Variants in CCDC171 observed in about 807,000 individuals in gnomAD.
CCDC171 encodes coiled-coil domain-containing protein 171.
A neutral mutation model predicts 168.2 loss-of-function variants in CCDC171; 177 were observed. The observed-to-expected ratio is 1.05, with a 90% CI of 0.93 to 1.19. CCDC171 has a LOEUF of 1.19. CCDC171 is among the 50% of genes most tolerant of loss of function. The pLI, the probability that CCDC171 is intolerant of heterozygous loss-of-function variation, is 0.00. For missense variants in CCDC171, 1,991 were observed against 1,539.0 expected (o/e 1.29, Z -4.91); for synonymous variants, 687 against 540.8 (o/e 1.27, Z -3.75).
chr9:15,850,866 G>A (rs1466586975), intron 23 of CCDC171, among the ~76,000 whole-genome samples: 1 of 151,890 alleles, frequency 6.6e-6, no homozygotes, highest in Non-Finnish European at 1.5e-5. Flanking sequence ...TCATGGGATG[G>A]TAAAAATGGA....
At chr9:15,652,779 A>G (rs1369907569) in intron 7 of CCDC171, among the ~76,000 whole-genome samples, 3 of 152,148 alleles carry the variant, frequency 2.0e-5, no homozygotes, top group Non-Finnish European at 4.4e-5. Flanking sequence ...CAATTATGAC[A>G]TATGTCTTCC....
intron 3 of CCDC171, among the ~76,000 whole-genome samples, chr9:16,018,070 T>C (rs940792887): frequency 1.3e-5 from 2 of 152,158 alleles, no homozygotes; most frequent in Non-Finnish European, 1.5e-5. Flanking sequence ...TAAATGTAGT[T>C]TTAAGATTTT....
chr9:15,906,591 C>A (rs919121211), intron 24 of CCDC171, among the ~76,000 whole-genome samples: 1 of 152,152 alleles, frequency 6.6e-6, no homozygotes, highest in African/African-American at 2.4e-5. Context: ...AAACTGGAAG[C>A]ATTCCCTCTG....
At chr9:16,010,452 G>A (rs924919903) in intron 3 of CCDC171, among the ~76,000 whole-genome samples, 1 of 152,068 alleles carries the variant, frequency 6.6e-6, no homozygotes, top group African/African-American at 2.4e-5. Flanking sequence ...AAGGGCCTGT[G>A]GGGGCAGCCA....
intron 25 of CCDC171, among the ~76,000 whole-genome samples, chr9:15,924,304 T>A (rs919104293): frequency 2.6e-5 from 4 of 151,318 alleles, no homozygotes; most frequent in African/African-American, 9.7e-5. Flanking sequence ...TCTGGTTCTG[T>A]CAGTTGCTAA....
intron 21 of CCDC171, among the ~76,000 whole-genome samples, chr9:15,813,512 A>G (rs1563790282): frequency 1.3e-5 from 2 of 152,162 alleles, no homozygotes; most frequent in Non-Finnish European, 2.9e-5. Context: ...TTTGACCACA[A>G]CCAACAGTTT....
intron 7 of CCDC171, among the ~76,000 whole-genome samples, chr9:15,629,753 AAAAATGTT>A (rs1369558989): frequency 1.3e-5 from 2 of 152,234 alleles, no homozygotes; most frequent in Non-Finnish European, 2.9e-5. Flanking sequence ...AAATGAAGGA[AAAAATGTT>A]AAGGGCAGCC....
At chr9:16,086,463 A>T in the CCDC171 span, among the ~76,000 whole-genome samples, 2 of 151,798 alleles carry the variant, frequency 1.3e-5, no homozygotes, top group African/African-American at 4.8e-5. Flanking sequence ...GTGCACCACC[A>T]CACCTGGCTA....
At chr9:15,737,432 C>T (rs980005742) in intron 16 of CCDC171, among the ~76,000 whole-genome samples, 4 of 152,060 alleles carry the variant, frequency 2.6e-5, no homozygotes, top group Non-Finnish European at 4.4e-5. Context: ...CTGGAGCCAA[C>T]CTGGGCCCTG....
intron 25 of CCDC171, 94 bp downstream of exon 25, chr9:15,920,516 A>G (rs1395308787): frequency 3.3e-6 from 3 of 895,524 alleles, no homozygotes; most frequent in African/African-American, 1.7e-5. Flanking sequence ...ATTTGCCAAT[A>G]TATATAATTT....
chr9:15,943,761 A>G (rs995722087), intron 25 of CCDC171, among the ~76,000 whole-genome samples: 7 of 152,048 alleles, frequency 4.6e-5, no homozygotes, highest in Non-Finnish European at 7.4e-5. Flanking sequence ...TGAATACAAA[A>G]AGGCATAATG....
At chr9:15,873,246 G>T (rs919334322) in intron 23 of CCDC171, among the ~76,000 whole-genome samples, 3 of 152,038 alleles carry the variant, frequency 2.0e-5, no homozygotes, top group African/African-American at 7.2e-5. Flanking sequence ...TGAAATGTGT[G>T]TATATCCTAA....
At chr9:15,604,851 A>C (rs1361848340) in intron 6 of CCDC171, among the ~76,000 whole-genome samples, 2 of 152,234 alleles carry the variant, frequency 1.3e-5, no homozygotes, top group Non-Finnish European at 2.9e-5. Context: ...ATGCAAATAC[A>C]CACAGAAATA....
chr9:15,796,755 C>G (rs1271091665), intron 21 of CCDC171, among the ~76,000 whole-genome samples: 2 of 152,054 alleles, frequency 1.3e-5, no homozygotes, highest in East Asian at 3.9e-4. Flanking sequence ...GCTCCCTCCT[C>G]AGCCCTGGGG....
chr9:15,723,709 C>A lies in CCDC171; in HGVS notation c.1454C>A (p.Thr485Lys). ...AAGGCATGTAATGAACTTGATTCTA[C>A]GAAACAGAAGATAGACTCTCACACT... ...EEKACNELDS[T>K]KQKIDSHTKN... Residue 485 changes from threonine (T) to lysine (K), a missense_variant, in exon 13 of 26, where the codon ACG becomes AAG. Thr to Lys is a moderately conservative substitution (Grantham distance 78). Transcript: ENST00000380701. The A allele has an allele frequency of 6.3e-7, 1 of 1,584,600 alleles. No homozygotes were observed. The highest frequency in any genetic ancestry group is 8.6e-7 in the Non-Finnish European group (1 of 1,160,200).
chr9:15,903,281 C>G (rs7043088), intron 24 of CCDC171, among the ~76,000 whole-genome samples: 3,673 of 152,238 alleles, frequency 0.024, 129 homozygotes, highest in African/African-American at 0.082. Context: ...AGGCACCCCC[C>G]TAGTAGGGGC....
chr9:15,678,658 C>T, intron 9 of CCDC171, 100 bp from the exon 10 acceptor site: 1 of 918,796 alleles, frequency 1.1e-6, no homozygotes. Context: ...TTAGCATGAA[C>T]ACATGATATG....
At chr9:15,691,542 TTTTTTATATATATATATA>T (rs2050783717) in intron 10 of CCDC171, among the ~76,000 whole-genome samples, 1 of 112,720 alleles carries the variant, frequency 8.9e-6, no homozygotes, top group African/African-American at 3.7e-5. Context: ...TAAATATATG[TTTTTTATATATATATATA>T]TATATATATA....
intron 3 of CCDC171, among the ~76,000 whole-genome samples, chr9:16,007,616 G>A (rs1051040005): frequency 6.6e-6 from 1 of 152,172 alleles, no homozygotes; most frequent in Admixed American, 6.5e-5. Context: ...AGTATAAGGT[G>A]TAAGGAAGGG....
Sources: allele counts gnomAD v4.1 joint callset (sites outside exome capture counted in the v4.1 genomes callset), GRCh38; gene constraint gnomAD v4.1.1; transcripts MANE v1.5; gene names NCBI Gene and HGNC (gene_info 2026-07-23, HGNC 2026-07-21).